DHDH: variants seen among roughly 807,000 people sequenced by gnomAD.
The protein encoded by DHDH is trans-1,2-dihydrobenzene-1,2-diol dehydrogenase.
DHDH carries 29 observed loss-of-function variants against 33.2 expected under a neutral mutation model. The observed-to-expected ratio is 0.87, with a 90% CI of 0.65 to 1.19. The LOEUF (loss-of-function observed/expected upper bound fraction) is 1.19, where lower values mean the gene tolerates loss of function less well. DHDH is among the 50% of genes most tolerant of loss of function. The pLI, the probability that DHDH is intolerant of heterozygous loss-of-function variation, is 0.00. For missense variants in DHDH, 431 were observed against 455.0 expected, an observed-to-expected ratio of 0.95 and a Z score of 0.48; for synonymous variants, 201 against 187.9, an observed-to-expected ratio of 1.07 and a Z score of -0.57.
chr19:48,935,550 G>A (rs1271666884), intron 2 of DHDH, among the ~76,000 whole-genome samples: 1 of 150,060 alleles, frequency 6.7e-6, no homozygotes, highest in African/African-American at 2.5e-5. Flanking sequence ...GGGCGCGGTG[G>A]CTGACGCCTG....
rs1264258974 is a variant in DHDH at position 48,944,205 on chromosome 19, G to A, written c.745-152G>A. 4 of 946,148 alleles carry A rather than the reference G, an allele frequency of 4.2e-6. No homozygotes were observed. The Admixed American group carries it at 9.9e-5, about 23-fold the overall frequency. The allele number at this position is 946,148 out of a possible 1,614,324, so 58.6% of individuals were successfully genotyped here. On this transcript the variant is annotated intron_variant, in intron 5 of 6. Transcript: ENST00000221403. ...AAACTTCTAGCAACTAGAAATGAAG[G>A]AGGGTCCAAAGCTCCCCGGGGATGG...
At chr19:48,936,744 G>T (rs1419476084) in intron 3 of DHDH, among the ~76,000 whole-genome samples, 3 of 151,352 alleles carry the variant, frequency 2.0e-5, no homozygotes, top group African/African-American at 4.8e-5. Context: ...AAGATGCCAA[G>T]AGTGAAAGTG....
chr19:48,937,607 T>G (rs2037797203), intron 3 of DHDH, among the ~76,000 whole-genome samples: 1 of 151,198 alleles, frequency 6.6e-6, no homozygotes, highest in Admixed American at 6.6e-5. Context: ...CGTCAGGAGA[T>G]CGAGACCATC....
intron 4 of DHDH, among the ~76,000 whole-genome samples, chr19:48,941,661 G>A (rs140997422): frequency 3.9e-4 from 58 of 150,104 alleles, no homozygotes; most frequent in Non-Finnish European, 7.8e-4. Flanking sequence ...GGGATTACAG[G>A]CATGAACCAC....
chr19:48,933,655 G>A (rs2037732531), upstream of DHDH: 30 of 1,488,254 alleles, frequency 2.0e-5, no homozygotes, highest in South Asian at 3.2e-4. Context: ...CCCGGGGTGG[G>A]CGGGGCGTCA....
At chr19:48,934,286 C>T (rs1036366897) in intron 1 of DHDH, among the ~76,000 whole-genome samples, 1 of 152,174 alleles carries the variant, frequency 6.6e-6, no homozygotes, top group Non-Finnish European at 1.5e-5. Flanking sequence ...GGACCTCTGC[C>T]CAAGAAAGCC....
intron 5 of DHDH, 108 bp downstream of exon 5, chr19:48,942,672 G>T: frequency 6.8e-7 from 1 of 1,474,086 alleles, no homozygotes; most frequent in Non-Finnish European, 9.0e-7. Flanking sequence ...TCACATCATT[G>T]CTAAAGAGTT....
chr19:48,937,102 A>G (rs895887796), intron 3 of DHDH, among the ~76,000 whole-genome samples: 2 of 151,870 alleles, frequency 1.3e-5, no homozygotes, highest in African/African-American at 2.4e-5. Flanking sequence ...AAGGTCTTTC[A>G]TGTAATCCTA....
chr19:48,939,422 G>A, intron 3 of DHDH, 27 bp from the exon 4 acceptor site: 3 of 1,600,346 alleles, frequency 1.9e-6, no homozygotes, highest in South Asian at 2.2e-5. Flanking sequence ...GAACTGGTTG[G>A]TTAACTCCTT....
At chr19:48,943,053 C>G (rs1337845374) in intron 5 of DHDH, among the ~76,000 whole-genome samples, 1 of 86,020 alleles carries the variant, frequency 1.2e-5, no homozygotes, top group Admixed American at 1.2e-4. Context: ...AAAACTCCAT[C>G]TCAAAAAAAA....
At chr19:48,937,122 A>T (rs1459472992) in intron 3 of DHDH, among the ~76,000 whole-genome samples, 3 of 151,388 alleles carry the variant, frequency 2.0e-5, no homozygotes, top group Non-Finnish European at 4.4e-5. Context: ...ATCCGCCAGG[A>T]CCCCTTAGCC....
At chr19:48,934,440 T>G (rs2037743938) in intron 1 of DHDH, among the ~76,000 whole-genome samples, 1 of 152,104 alleles carries the variant, frequency 6.6e-6, no homozygotes, top group South Asian at 2.1e-4. Flanking sequence ...TCTCTGCAGT[T>G]GAGATAAGAG....
chr19:48,938,388 C>T (rs1395659369), intron 3 of DHDH, among the ~76,000 whole-genome samples: 1 of 152,028 alleles, frequency 6.6e-6, no homozygotes, highest in Non-Finnish European at 1.5e-5. Flanking sequence ...TGAGCCACAG[C>T]GCCCAGCCCC....
chr19:48,943,129 A>G (rs2037889349), intron 5 of DHDH, among the ~76,000 whole-genome samples: 1 of 151,900 alleles, frequency 6.6e-6, no homozygotes, highest in South Asian at 2.1e-4. Flanking sequence ...TAATCCCAGC[A>G]CTTTGGAGGC....
intron 3 of DHDH, among the ~76,000 whole-genome samples, chr19:48,937,485 G>A (rs2037794469): frequency 6.6e-6 from 1 of 151,886 alleles, no homozygotes; most frequent in Non-Finnish European, 1.5e-5. Flanking sequence ...AGACCAGCCT[G>A]GCCAACATGG....
intron 5 of DHDH, 56 bp downstream of exon 5, chr19:48,942,620 C>T: frequency 6.3e-7 from 1 of 1,576,412 alleles, no homozygotes; most frequent in Non-Finnish European, 8.6e-7. Flanking sequence ...AGGAGGGGGA[C>T]AAATGGCCTC....
intron 1 of DHDH, among the ~76,000 whole-genome samples, 160 bp downstream of exon 1, chr19:48,933,971 C>T (rs1041231678): frequency 1.3e-4 from 20 of 152,118 alleles, no homozygotes; most frequent in African/African-American, 3.9e-4. Flanking sequence ...GTTCTGCAAA[C>T]CTGTGGGGAA....
intron 3 of DHDH, among the ~76,000 whole-genome samples, chr19:48,936,546 A>T (rs1324623042): frequency 4.6e-5 from 7 of 151,558 alleles, no homozygotes; most frequent in African/African-American, 1.7e-4. Context: ...AATACAAAAA[A>T]TTAGCTGGGC....
At chr19:48,938,175 C>A (rs560540721) in intron 3 of DHDH, among the ~76,000 whole-genome samples, 19 of 152,154 alleles carry the variant, frequency 1.2e-4, no homozygotes, top group Non-Finnish European at 2.4e-4. Context: ...CGGCTCACTG[C>A]AACCTCCGCT....
Sources: gnomAD v4.1 joint callset for allele counts (sites outside exome capture counted in the v4.1 genomes callset) on GRCh38, gnomAD v4.1.1 for gene constraint, MANE v1.5 for transcripts, NCBI Gene and HGNC (gene_info 2026-07-23, HGNC 2026-07-21) for gene names.